DNAH6: variants seen among roughly 807,000 people sequenced by gnomAD.
The protein encoded by DNAH6 is axonemal beta dynein heavy chain 6.
In DNAH6, 340 loss-of-function variants were observed where a neutral mutation model predicts 491.4. That is an observed-to-expected ratio of 0.69 (90% CI 0.63 to 0.76). DNAH6 has a LOEUF of 0.76. Among genes scored for constraint, DNAH6 ranks in the 30% least tolerant of loss-of-function variants. DNAH6 has a pLI of 0.00. For synonymous variants in DNAH6, 1,603 were observed against 1,686.1 expected (o/e 0.95, Z 1.21); for missense variants, 4,443 against 4,972.2 (o/e 0.89, Z 3.20).
chr2:84,699,520 G>C lies in DNAH6; in HGVS notation c.7678-74G>C, dbSNP rs1234100531. 3 of 1,295,938 alleles carry C rather than the reference G, an allele frequency of 2.3e-6. No individual in the cohort carries two copies. In the East Asian group the frequency reaches 7.6e-5, roughly 33 times the overall value. The allele number at this position is 1,295,938 out of a possible 1,614,324, so 80.3% of individuals were successfully genotyped here. ...ATATTTGATATTGGGAGCCTCAGAT[G>C]CATTAGCCAACACTTATTTTCATTG... On this transcript the variant is annotated intron_variant, in intron 47 of 76. Transcript: ENST00000389394.
the DNAH6 span, among the ~76,000 whole-genome samples, chr2:84,478,909 G>C: frequency 1.3e-5 from 2 of 152,280 alleles, no homozygotes; most frequent in Admixed American, 6.5e-5. Flanking sequence ...GCAGGAAGGG[G>C]AGCTGAAAAG....
intron 11 of DNAH6, among the ~76,000 whole-genome samples, chr2:84,569,545 T>C (rs1449080480): frequency 3.3e-5 from 5 of 152,150 alleles, no homozygotes; most frequent in African/African-American, 1.2e-4. Context: ...TAAACCCACA[T>C]GTATTTCAAG....
chr2:84,525,767 T>C, intron 3 of DNAH6, 29 bp downstream of exon 3: 1 of 1,485,556 alleles, frequency 6.7e-7, no homozygotes, highest in Non-Finnish European at 9.1e-7. Flanking sequence ...TAATTGATTC[T>C]TTTAACTTAA....
chr2:84,607,854 C>A (rs747819169), intron 21 of DNAH6, among the ~76,000 whole-genome samples: 8 of 152,062 alleles, frequency 5.3e-5, no homozygotes, highest in Non-Finnish European at 1.2e-4. Context: ...ATGAAGTTTG[C>A]CACATTCATC....
At position 84,607,010 on chromosome 2, in the gene DNAH6, C is replaced by T; in HGVS notation, c.3209C>T (p.Thr1070Ile). ...LLDDSTINVA[T>I]LASSRYLGPL... is the part of the protein sequence containing the mutation. ...GATGATAGCACCATCAATGTTGCAA[C>T]TCTTGCCTCATCACGTTACCTTGGT... Residue 1070 changes from threonine (T) to isoleucine (I), a missense_variant, in exon 21 of 77, where the codon ACT becomes ATT. By Grantham distance (89) the Thr-to-Ile change is moderately conservative. Transcript: ENST00000389394. 1.3e-6 allele frequency: 2 copies of T among 1,551,398 alleles called. No homozygotes were observed. Among genetic ancestry groups the T allele is most frequent in the South Asian group, 1.2e-5 (1 of 84,030 alleles).
chr2:84,816,026 C>T lies in DNAH6; in HGVS notation c.12316C>T (p.Leu4106Phe). 1.3e-6 allele frequency: 2 copies of T among 1,551,744 alleles called. No homozygotes were observed. The highest frequency in any genetic ancestry group is 1.7e-6 in the Non-Finnish European group (2 of 1,147,012). ...PQQNYKPSPT[L>F]YHCPLYKTGA... The stretch of plus-strand genomic sequence containing the variant: ...ACAAAACTATAAGCCAAGCCCAACA[C>T]TTTACCACTGCCCACTTTATAAAAC... The change falls in exon 76 of 77, where the codon CTT becomes TTT. Residue 4106 changes from leucine (L) to phenylalanine (F), a missense_variant. This residue lies in a region of DNAH6 where 1,463 missense variants were observed against 1,656.6 expected (regional missense o/e 0.88). Transcript: ENST00000389394.
intron 63 of DNAH6, among the ~76,000 whole-genome samples, chr2:84,746,679 T>G (rs1673003337): frequency 1.3e-5 from 2 of 152,144 alleles, no homozygotes; most frequent in African/African-American, 2.4e-5. Flanking sequence ...GTTGTAGGAT[T>G]TTCTGCTATC....
At chr2:84,613,295 G>A (rs1035721180) in intron 22 of DNAH6, among the ~76,000 whole-genome samples, 43 of 152,096 alleles carry the variant, frequency 2.8e-4, no homozygotes, top group African/African-American at 1.0e-3. Context: ...AGGCTCCCAA[G>A]GTGAGTGCAT....
chr2:84,469,939 C>T, the DNAH6 span, among the ~76,000 whole-genome samples: 5 of 152,000 alleles, frequency 3.3e-5, no homozygotes, highest in East Asian at 1.9e-4. The surrounding 1 kb of genome is among the most constrained non-coding windows in gnomAD (Gnocchi z 4.0). Context: ...TTTAACCCAA[C>T]GTTGGTCAAG....
chr2:84,509,537 G>A, the DNAH6 span, among the ~76,000 whole-genome samples: 1 of 152,176 alleles, frequency 6.6e-6, no homozygotes, highest in African/African-American at 2.4e-5. Flanking sequence ...CAATTTGGCA[G>A]TCTGTGTCTT....
intron 18 of DNAH6, among the ~76,000 whole-genome samples, chr2:84,597,928 C>T (rs1442129481): frequency 2.6e-5 from 4 of 151,834 alleles, no homozygotes; most frequent in African/African-American, 9.7e-5. Context: ...CAAGACCAGC[C>T]TGTACAACAT....
At chr2:84,609,940 A>G (rs1050265703) in intron 21 of DNAH6, among the ~76,000 whole-genome samples, 1 of 152,140 alleles carries the variant, frequency 6.6e-6, no homozygotes, top group Non-Finnish European at 1.5e-5. Context: ...CTACAAACTT[A>G]AACAATATAC....
At chr2:84,787,031 G>T in intron 67 of DNAH6, 133 bp from the exon 68 acceptor site, 1 of 594,306 alleles carries the variant, frequency 1.7e-6, no homozygotes. Flanking sequence ...CTGAAGTTGA[G>T]CCACATGATT....
At chr2:84,777,596 A>G in intron 64 of DNAH6, 2 of 802,810 alleles carry the variant, frequency 2.5e-6, no homozygotes, top group Non-Finnish European at 4.5e-6. Flanking sequence ...ATCAGTCCCT[A>G]AATCTGGGTG....
chr2:84,796,544 C>T (rs1573838463), intron 69 of DNAH6, 119 bp downstream of exon 69: 1 of 779,438 alleles, frequency 1.3e-6, no homozygotes, highest in East Asian at 3.0e-5. Flanking sequence ...TATAGCCACA[C>T]CCTATCCCCA....
Position 84,721,000 on chromosome 2 carries a change from A to G in DNAH6, c.9793-1625A>G, listed in dbSNP as rs1049848715. On this transcript the variant is annotated intron_variant, in intron 59 of 76. Coordinates refer to ENST00000389394, the MANE Select transcript of DNAH6 (RefSeq NM_001370.2). ...AGTTTATACTCCTCTCAGCTCTTAG[A>G]ATCCTTACATAAAAATATGTCTCAT... Among the ~76,000 whole-genome samples, 3 of 152,292 alleles carry G rather than the reference A, an allele frequency of 2.0e-5. No individual in the cohort carries two copies. In the East Asian group the frequency reaches 5.8e-4, roughly 29 times the overall value.
intron 46 of DNAH6, among the ~76,000 whole-genome samples, chr2:84,695,584 T>C (rs1470751777): frequency 6.6e-6 from 1 of 152,100 alleles, no homozygotes; most frequent in Admixed American, 6.5e-5. Flanking sequence ...GAGAAAGTCA[T>C]ATACATAATA....
chr2:84,734,169 A>G (rs1312062046), intron 62 of DNAH6, among the ~76,000 whole-genome samples: 2 of 127,170 alleles, frequency 1.6e-5, no homozygotes, highest in African/African-American at 3.1e-5. Context: ...TTTTTTTGAG[A>G]CGGAGTCTTG....
chr2:84,537,763 C>T (rs7562826), intron 4 of DNAH6, among the ~76,000 whole-genome samples: 130 of 152,102 alleles, frequency 8.5e-4, no homozygotes, highest in African/African-American at 2.9e-3. Flanking sequence ...TTCATATCTA[C>T]GTAACCCTTC....
Sources: gnomAD v4.1 joint callset for allele counts (sites outside exome capture counted in the v4.1 genomes callset) on GRCh38, gnomAD v4.1.1 for gene constraint, gnomAD v4.1.1 regional missense constraint, Gnocchi (gnomAD v3.1) non-coding constraint, MANE v1.5 for transcripts, NCBI Gene and HGNC (gene_info 2026-07-23, HGNC 2026-07-21) for gene names.